MAD1L1: variants seen among roughly 807,000 people sequenced by gnomAD.
The protein encoded by MAD1L1 is mitotic spindle assembly checkpoint protein MAD1.
In MAD1L1, 95 loss-of-function variants were observed where a neutral mutation model predicts 96.9. That is an observed-to-expected ratio of 0.98 (90% CI 0.83 to 1.16). The LOEUF is 1.16. MAD1L1 is among the 50% of genes most tolerant of loss of function. The pLI, the probability that MAD1L1 is intolerant of heterozygous loss-of-function variation, is 0.00. For synonymous variants in MAD1L1, 473 were observed against 396.6 expected, an observed-to-expected ratio of 1.19 and a Z score of -2.29; for missense variants, 1,007 against 954.4, an observed-to-expected ratio of 1.06 and a Z score of -0.73.
At chr7:1,907,104 G>T (rs747863256) in intron 17 of MAD1L1, among the ~76,000 whole-genome samples, 20 of 151,960 alleles carry the variant, frequency 1.3e-4, no homozygotes, top group Non-Finnish European at 2.4e-4. Context: ...TTCAGCCTGC[G>T]AGGGGCGGTG....
intron 18 of MAD1L1, among the ~76,000 whole-genome samples, chr7:1,897,694 G>A (rs1786969276): frequency 6.6e-6 from 1 of 152,256 alleles, no homozygotes; most frequent in South Asian, 2.1e-4. Flanking sequence ...GCGCCTGCTG[G>A]CTCGCAGGAC....
Position 2,088,017 on chromosome 7 carries a change from T to A in MAD1L1, c.1074-18679A>T, listed in dbSNP as rs1786011930. Among the ~76,000 whole-genome samples the A allele has an allele frequency of 6.6e-6, 1 of 152,152 alleles. No homozygotes were observed. ...CCTCTCACAGCTAACTGGATCCGTTTCCCAGCAGATCGAGGCTTGAGGCTC... is the reference window on the plus strand; with the variant it reads ...CCTCTCACAGCTAACTGGATCCGTTACCCAGCAGATCGAGGCTTGAGGCTC... On this transcript the variant is annotated intron_variant, in intron 11 of 18. Coordinates refer to ENST00000265854, the MANE Select transcript of MAD1L1 (RefSeq NM_001013836.2). The surrounding 1 kb of genome is among the most constrained non-coding windows in gnomAD (Gnocchi z 4.4).
chr7:1,817,964 G>C (rs1781911991), intron 18 of MAD1L1, among the ~76,000 whole-genome samples: 1 of 151,936 alleles, frequency 6.6e-6, no homozygotes, highest in African/African-American at 2.4e-5. Flanking sequence ...CTGTTTCTCA[G>C]GAGCCGTCCC....
intron 10 of MAD1L1, among the ~76,000 whole-genome samples, chr7:2,166,677 A>T (rs1206877585): frequency 1.3e-5 from 2 of 152,268 alleles, no homozygotes; most frequent in Non-Finnish European, 2.9e-5. Flanking sequence ...ACACACAAGC[A>T]GGCCCGCTTC....
chr7:1,865,736 G>A (rs1210766981), intron 18 of MAD1L1, among the ~76,000 whole-genome samples: 1 of 152,266 alleles, frequency 6.6e-6, no homozygotes, highest in Non-Finnish European at 1.5e-5. Context: ...AATCAGGACT[G>A]GCTGCCTTGG....
At chr7:1,871,960 G>C (rs1785135708) in intron 18 of MAD1L1, among the ~76,000 whole-genome samples, 3 of 152,196 alleles carry the variant, frequency 2.0e-5, no homozygotes, top group African/African-American at 7.2e-5. Flanking sequence ...ACAGGACAGA[G>C]AAAGCAGAGG....
chr7:2,065,796 T>G (rs1156680763), intron 12 of MAD1L1, among the ~76,000 whole-genome samples: 1 of 152,148 alleles, frequency 6.6e-6, no homozygotes, highest in Non-Finnish European at 1.5e-5. Context: ...ACTGATCTGC[T>G]GTGAGACAGG....
At chr7:1,913,895 C>T (rs1364666217) in intron 17 of MAD1L1, among the ~76,000 whole-genome samples, 2 of 152,178 alleles carry the variant, frequency 1.3e-5, no homozygotes, top group Non-Finnish European at 2.9e-5. Context: ...TGCCCCCTCA[C>T]AGTTCCTCCT....
chr7:1,888,378 G>A lies in MAD1L1; in HGVS notation c.1998+9822C>T, dbSNP rs530787527. On this transcript the variant is annotated intron_variant, in intron 18 of 18. Transcript: ENST00000265854. Reference sequence around the variant, plus strand: ...TGTGCATGCATGCGTGTATGTGGCTGCCTATGCGTGTGTGTGCATGCGTGT... The same window carrying A: ...TGTGCATGCATGCGTGTATGTGGCTACCTATGCGTGTGTGTGCATGCGTGT... Among the ~76,000 whole-genome samples, 74 of 130,760 alleles carry A rather than the reference G, an allele frequency of 5.7e-4. 1 individual carries two copies. Among genetic ancestry groups the A allele is most frequent in the African/African-American group, 2.5e-3 (70 of 27,556 alleles). 85.8% of individuals were successfully genotyped at this position (130,760 alleles called of 152,430 possible).
intron 17 of MAD1L1, among the ~76,000 whole-genome samples, chr7:1,914,739 G>C (rs1020764590): frequency 6.6e-6 from 1 of 152,136 alleles, no homozygotes; most frequent in African/African-American, 2.4e-5. Context: ...TCAGCCTCCA[G>C]AGTAGCTGGG....
At chr7:2,063,670 C>T (rs1195157711) in intron 12 of MAD1L1, among the ~76,000 whole-genome samples, 3 of 152,246 alleles carry the variant, frequency 2.0e-5, no homozygotes, top group East Asian at 1.9e-4. Flanking sequence ...ACTCCAGCAA[C>T]GTGGGCCCAT....
Position 1,884,017 on chromosome 7 carries a change from T to TC in MAD1L1, c.1998+14182dup, listed in dbSNP as rs141290210. Reference sequence around the variant, plus strand: ...GCACAGTGCAGAGCCAGCTGGGGACTCCCCAGCATCTGACCGCTCCATCCT... The same window carrying TC: ...GCACAGTGCAGAGCCAGCTGGGGACTCCCCCAGCATCTGACCGCTCCATCCT... On this transcript the variant is annotated intron_variant, in intron 18 of 18. Transcript: ENST00000265854. Among the ~76,000 whole-genome samples, 1,502 of 152,224 alleles carry TC rather than the reference T, an allele frequency of 9.9e-3. 20 individuals carry two copies. Among genetic ancestry groups the TC allele is most frequent in the African/African-American group, 0.035 (1,440 of 41,540 alleles).
Position 2,114,154 on chromosome 7 carries a change from G to A in MAD1L1, c.1073+34998C>T, listed in dbSNP as rs925532256. ...GAGGGTGCGTCGAAACATTCTCCAC[G>A]ACTTCTGCAACTTTCCTGTCAGTGT... On this transcript the variant is annotated intron_variant, in intron 11 of 18. Coordinates refer to ENST00000265854, the MANE Select transcript of MAD1L1 (RefSeq NM_001013836.2). This position sits in a 1 kb window ranked among gnomAD's most constrained non-coding sequence, Gnocchi z 4.2. Among the ~76,000 whole-genome samples, 3 of 152,224 alleles carry A rather than the reference G, an allele frequency of 2.0e-5. No individual in the cohort carries two copies. Among genetic ancestry groups the A allele is most frequent in the East Asian group, 1.9e-4 (1 of 5,196 alleles).
At chr7:2,043,378 T>G (rs76406293) in intron 12 of MAD1L1, among the ~76,000 whole-genome samples, 1 of 152,216 alleles carries the variant, frequency 6.6e-6, no homozygotes, top group African/African-American at 2.4e-5. Context: ...TGTAAATAGC[T>G]GGCAGACACA....
intron 14 of MAD1L1, among the ~76,000 whole-genome samples, chr7:1,993,230 A>T (rs1403174): frequency 0.5 from 76,124 of 151,962 alleles, 21,291 homozygotes; most frequent in East Asian, 0.67. Flanking sequence ...CATGCAGGTG[A>T]CTGAGATTCT....
At chr7:1,908,955 G>A (rs1268940582) in intron 17 of MAD1L1, among the ~76,000 whole-genome samples, 4 of 152,204 alleles carry the variant, frequency 2.6e-5, no homozygotes, top group Admixed American at 1.3e-4. Context: ...GGGTCCTGCT[G>A]GACTGTTTCT....
At chr7:2,040,369 A>G (rs1272041069) in intron 12 of MAD1L1, among the ~76,000 whole-genome samples, 5 of 152,146 alleles carry the variant, frequency 3.3e-5, no homozygotes, top group Non-Finnish European at 7.4e-5. Flanking sequence ...CCCCACCGGC[A>G]CCGGGGACTT....
intron 11 of MAD1L1, among the ~76,000 whole-genome samples, chr7:2,089,703 A>G (rs1786110190): frequency 6.6e-6 from 1 of 151,168 alleles, no homozygotes; most frequent in Admixed American, 6.6e-5. Flanking sequence ...ATCGTGTTTA[A>G]TCACACTTCC....
chr7:2,108,593 T>C (rs1306155664), intron 11 of MAD1L1, among the ~76,000 whole-genome samples: 1 of 152,190 alleles, frequency 6.6e-6, no homozygotes, highest in Non-Finnish European at 1.5e-5. Flanking sequence ...TGTTTAAACA[T>C]ACAGAGCCCC....
Sources: allele counts gnomAD v4.1 joint callset (sites outside exome capture counted in the v4.1 genomes callset), GRCh38; gene constraint gnomAD v4.1.1; non-coding constraint Gnocchi (gnomAD v3.1); transcripts MANE v1.5; gene names NCBI Gene and HGNC (gene_info 2026-07-23, HGNC 2026-07-21).